LINGO2: variants seen among roughly 807,000 people sequenced by gnomAD.
LINGO2 encodes leucine-rich repeat and immunoglobulin-like domain-containing nogo receptor-interacting protein 2.
Under a neutral mutation model 30.6 loss-of-function variants are expected in LINGO2, and 14 were observed. That is an observed-to-expected ratio of 0.46 (90% CI 0.30 to 0.72). LINGO2 has a LOEUF of 0.72. Ranked by LOEUF, LINGO2 falls within the 30% of genes least tolerant of loss-of-function variation. LINGO2 has a pLI of 0.07. For synonymous variants in LINGO2, 317 were observed against 288.5 expected (o/e 1.10, Z -1.00); for missense variants, 729 against 751.7 (o/e 0.97, Z 0.35).
At chr9:28,378,704 G>T (rs776912547) in intron 2 of LINGO2, among the ~76,000 whole-genome samples, 21 of 152,146 alleles carry the variant, frequency 1.4e-4, no homozygotes, top group Non-Finnish European at 2.2e-4. Flanking sequence ...ACTTCAGAAA[G>T]GCAGCAACAT....
the LINGO2 span, among the ~76,000 whole-genome samples, chr9:29,054,703 T>C: frequency 1.3e-5 from 2 of 152,096 alleles, no homozygotes; most frequent in African/African-American, 4.8e-5. Flanking sequence ...ATAATTTAAA[T>C]GTAACAAAGG....
chr9:27,950,682 CT>C (rs1388085335), exon 6 of LINGO2: 24 of 1,503,722 alleles, frequency 1.6e-5, no homozygotes, highest in South Asian at 9.8e-5. Flanking sequence ...GACTCCACTT[CT>C]TAGTCTACAC....
chr9:28,934,337 A>T, the LINGO2 span, among the ~76,000 whole-genome samples: 1 of 152,222 alleles, frequency 6.6e-6, no homozygotes, highest in Non-Finnish European at 1.5e-5. Context: ...TGAGCTAATG[A>T]GTCTCTTAGA....
At chr9:28,733,445 A>T in the LINGO2 span, among the ~76,000 whole-genome samples, 2 of 152,162 alleles carry the variant, frequency 1.3e-5, no homozygotes. Flanking sequence ...TGATGGTGAC[A>T]TTAAGTGAAC....
intron 1 of LINGO2, among the ~76,000 whole-genome samples, chr9:28,517,985 C>T (rs899630311): frequency 6.6e-6 from 1 of 152,062 alleles, no homozygotes; most frequent in African/African-American, 2.4e-5. Context: ...AACGCAAAGC[C>T]AATTGGATTC....
the LINGO2 span, among the ~76,000 whole-genome samples, chr9:28,947,682 C>G: frequency 7.3e-5 from 11 of 151,398 alleles, no homozygotes; most frequent in African/African-American, 2.7e-4. Context: ...AGAAGAAAAC[C>G]CATACACACA....
the LINGO2 span, among the ~76,000 whole-genome samples, chr9:28,898,792 G>A: frequency 9.1e-3 from 1,389 of 152,212 alleles, 29 homozygotes; most frequent in African/African-American, 0.032. Context: ...TGACAGGAGG[G>A]AGAAGAGCAG....
intron 1 of LINGO2, among the ~76,000 whole-genome samples, chr9:28,572,123 A>T (rs939319338): frequency 6.6e-6 from 1 of 151,974 alleles, no homozygotes; most frequent in East Asian, 1.9e-4. Context: ...CAGCCCTGAC[A>T]TTTCTCCAGG....
chr9:28,431,820 T>G (rs1194258615), intron 2 of LINGO2, among the ~76,000 whole-genome samples: 1 of 152,332 alleles, frequency 6.6e-6, no homozygotes, highest in Non-Finnish European at 1.5e-5. Flanking sequence ...GAATTCCAAT[T>G]TAGGCTGATT....
At chr9:28,523,898 T>A (rs895763701) in intron 1 of LINGO2, among the ~76,000 whole-genome samples, 2 of 151,960 alleles carry the variant, frequency 1.3e-5, no homozygotes, top group Non-Finnish European at 2.9e-5. Context: ...AGTTGGCTTT[T>A]TTTTTTTTTA....
At chr9:28,608,982 C>G (rs1293612495) in intron 1 of LINGO2, among the ~76,000 whole-genome samples, 1 of 151,756 alleles carries the variant, frequency 6.6e-6, no homozygotes, top group African/African-American at 2.4e-5. Context: ...ACATTTGGGG[C>G]AGAAAAATGT....
the LINGO2 span, among the ~76,000 whole-genome samples, chr9:28,733,646 G>A: frequency 5.9e-5 from 9 of 152,074 alleles, no homozygotes; most frequent in East Asian, 3.9e-4. Flanking sequence ...CTAGGGTTGC[G>A]TTAACCAGTC....
chr9:28,617,092 TA>T (rs1383983396), intron 1 of LINGO2, among the ~76,000 whole-genome samples: 2 of 152,102 alleles, frequency 1.3e-5, no homozygotes, highest in African/African-American at 4.8e-5. Flanking sequence ...GAATATGAAG[TA>T]AAAAATAAGT....
intron 4 of LINGO2, among the ~76,000 whole-genome samples, chr9:28,245,012 G>C (rs1821946693): frequency 6.6e-6 from 1 of 152,104 alleles, no homozygotes; most frequent in African/African-American, 2.4e-5. Flanking sequence ...AAAAAGAAAA[G>C]TTCAGGCCAA....
intron 2 of LINGO2, among the ~76,000 whole-genome samples, chr9:28,378,458 A>G (rs1821215815): frequency 6.6e-6 from 1 of 152,162 alleles, no homozygotes; most frequent in African/African-American, 2.4e-5. Context: ...TACAGGAAAC[A>G]CTTTAATGAA....
chr9:29,177,795 G>T, the LINGO2 span, among the ~76,000 whole-genome samples: 1 of 152,050 alleles, frequency 6.6e-6, no homozygotes, highest in African/African-American at 2.4e-5. Flanking sequence ...TGAATATAGT[G>T]TCAGTATCAT....
intron 5 of LINGO2, among the ~76,000 whole-genome samples, chr9:28,008,573 T>C (rs1178510212): frequency 3.0e-5 from 2 of 66,516 alleles, no homozygotes; most frequent in Non-Finnish European, 4.2e-5. Context: ...TAAAAACTAT[T>C]AGAATAGATG....
intron 4 of LINGO2, among the ~76,000 whole-genome samples, chr9:28,189,305 GAGGAAGGAAGGA>G (rs1217794527): frequency 0.036 from 963 of 26,394 alleles, 38 homozygotes; most frequent in African/African-American, 0.04. Context: ...GGAAGGAAGG[GAGGAAGGAAGGA>G]AGGAAGGGAG....
At chr9:29,112,762 T>C in the LINGO2 span, among the ~76,000 whole-genome samples, 1 of 152,188 alleles carries the variant, frequency 6.6e-6, no homozygotes, top group Non-Finnish European at 1.5e-5. Context: ...TTCCTCTCCA[T>C]GATAAATATC....
Sources: gnomAD v4.1 joint callset for allele counts (sites outside exome capture counted in the v4.1 genomes callset) on GRCh38, gnomAD v4.1.1 for gene constraint, MANE v1.5 for transcripts, NCBI Gene and HGNC (gene_info 2026-07-23, HGNC 2026-07-21) for gene names.